SCTR: variants seen among roughly 807,000 people sequenced by gnomAD.
The protein encoded by SCTR is pancreatic secretin receptor.
SCTR carries 56 observed loss-of-function variants against 60.8 expected under a neutral mutation model. The observed-to-expected ratio is 0.92, with a 90% CI of 0.74 to 1.15. The LOEUF (loss-of-function observed/expected upper bound fraction) is 1.15, where lower values mean the gene tolerates loss of function less well. Ranked by LOEUF, SCTR falls within the 50% of genes most tolerant of loss-of-function variation. The pLI, the probability that SCTR is intolerant of heterozygous loss-of-function variation, is 0.00. For missense variants in SCTR, 562 were observed against 550.4 expected (o/e 1.02, Z -0.21); for synonymous variants, 202 against 217.0 (o/e 0.93, Z 0.61).
intron 2 of SCTR, 52 bp downstream of exon 2, chr2:119,494,376 C>T: frequency 1.3e-6 from 2 of 1,592,676 alleles, no homozygotes; most frequent in Non-Finnish European, 8.6e-7. Flanking sequence ...CCCAGCAGGA[C>T]CGGACATGCT....
intron 1 of SCTR, among the ~76,000 whole-genome samples, chr2:119,520,112 A>G (rs1477623042): frequency 1.3e-5 from 2 of 152,184 alleles, no homozygotes; most frequent in African/African-American, 2.4e-5. Context: ...AAAAATCTCA[A>G]AAGAAATCCA....
chr2:119,460,396 A>ACG (rs1683554284), intron 7 of SCTR, among the ~76,000 whole-genome samples: 1 of 151,320 alleles, frequency 6.6e-6, no homozygotes, highest in African/African-American at 2.4e-5. Context: ...GGATAGAGGA[A>ACG]TGGATGGATG....
chr2:119,505,614 C>A, intron 1 of SCTR, among the ~76,000 whole-genome samples: 1 of 148,176 alleles, frequency 6.7e-6, no homozygotes. Flanking sequence ...GGACAAAAAA[C>A]CAAACACCGC....
chr2:119,496,445 GA>G (rs1392275067), intron 1 of SCTR, among the ~76,000 whole-genome samples: 4 of 151,798 alleles, frequency 2.6e-5, no homozygotes, highest in Non-Finnish European at 5.9e-5. Context: ...ATATAATATA[GA>G]AAAAAAAGAC....
chr2:119,508,540 C>T (rs751073572), intron 1 of SCTR, among the ~76,000 whole-genome samples: 12 of 151,826 alleles, frequency 7.9e-5, no homozygotes, highest in Non-Finnish European at 1.6e-4. Context: ...GCGCATACCA[C>T]CACACTCAGC....
chr2:119,516,795 A>G (rs894885077), intron 1 of SCTR, among the ~76,000 whole-genome samples: 1 of 152,106 alleles, frequency 6.6e-6, no homozygotes, highest in Non-Finnish European at 1.5e-5. Flanking sequence ...CCGCGTCCCC[A>G]CTAAAAATAC....
chr2:119,515,094 C>T (rs1679071130), intron 1 of SCTR, among the ~76,000 whole-genome samples: 1 of 152,196 alleles, frequency 6.6e-6, no homozygotes, highest in Admixed American at 6.5e-5. Flanking sequence ...ATTTATTGGG[C>T]ACCTACTATA....
intron 1 of SCTR, among the ~76,000 whole-genome samples, chr2:119,517,723 A>G (rs1679159655): frequency 6.6e-6 from 1 of 152,140 alleles, no homozygotes; most frequent in African/African-American, 2.4e-5. Flanking sequence ...GCGGAGAGGA[A>G]GAGGGTGAAG....
intron 4 of SCTR, among the ~76,000 whole-genome samples, chr2:119,469,233 G>A (rs2579650): frequency 0.4 from 60,401 of 152,034 alleles, 13,597 homozygotes; most frequent in Non-Finnish European, 0.53. Flanking sequence ...CAGATGAGCC[G>A]CATTGCAGAG....
chr2:119,499,354 A>G (rs1678455105), intron 1 of SCTR, among the ~76,000 whole-genome samples: 1 of 152,072 alleles, frequency 6.6e-6, no homozygotes, highest in Non-Finnish European at 1.5e-5. Context: ...GGAAAACACC[A>G]TTAACAAAGA....
rs1368048837 is a variant in SCTR, at chr2:119,524,192, A to C, written c.35T>G (p.Leu12Arg). 6.6e-6 allele frequency: 10 copies of C among 1,523,808 alleles called. No individual in the cohort carries two copies. In the South Asian group the frequency reaches 9.7e-5, roughly 15 times the overall value. 94.4% of individuals were successfully genotyped at this position (1,523,808 alleles called of 1,614,324 possible). Residue 12 changes from leucine (L) to arginine (R), a missense_variant, in exon 1 of 13, where the codon CTA becomes CGA. By Grantham distance (102) the Leu-to-Arg change is moderately radical (BLOSUM62 -2). Transcript: ENST00000019103. ...RPHLSPPLQQ[L>R]LLPVLLACAA... Reference sequence around the variant, plus strand: ...GCAGGCGAGCAGCACCGGCAGTAGTAGCTGCTGCAGCGGCGGCGACAGGTG... The same window carrying C: ...GCAGGCGAGCAGCACCGGCAGTAGTCGCTGCTGCAGCGGCGGCGACAGGTG...
At chr2:119,454,257 A>G (rs942608465) in intron 7 of SCTR, among the ~76,000 whole-genome samples, 3 of 152,188 alleles carry the variant, frequency 2.0e-5, no homozygotes. Context: ...GGGCTGGGGC[A>G]GGAGGATGGT....
At chr2:119,461,764 A>AAC in intron 7 of SCTR, 83 bp downstream of exon 7, 1 of 1,102,090 alleles carries the variant, frequency 9.1e-7, no homozygotes. Flanking sequence ...GTGGAGCTGG[A>AAC]ACTAAAAGCC....
At chr2:119,499,515 G>A (rs1460848180) in intron 1 of SCTR, among the ~76,000 whole-genome samples, 2 of 152,008 alleles carry the variant, frequency 1.3e-5, no homozygotes, top group South Asian at 2.1e-4. Flanking sequence ...CATATACAAT[G>A]TGTTCTCTGA....
At chr2:119,494,382 A>T (rs374589021) in intron 2 of SCTR, 46 bp downstream of exon 2, 2 of 1,600,408 alleles carry the variant, frequency 1.2e-6, no homozygotes, top group African/African-American at 2.7e-5. Context: ...AGGACCGGAC[A>T]TGCTCCACCC....
chr2:119,459,880 T>C (rs2579643), intron 7 of SCTR, among the ~76,000 whole-genome samples: 143,787 of 152,230 alleles, frequency 0.94, 68,023 homozygotes, highest in East Asian at 1. Context: ...CAGCTGAATC[T>C]TGGCGTATCT....
intron 1 of SCTR, among the ~76,000 whole-genome samples, chr2:119,522,346 A>G (rs1157125847): frequency 6.6e-6 from 1 of 152,134 alleles, no homozygotes; most frequent in African/African-American, 2.4e-5. Flanking sequence ...GGGGTATAAA[A>G]GACAGAGCCC....
chr2:119,477,452 T>C (rs1677380239), intron 3 of SCTR, among the ~76,000 whole-genome samples: 1 of 152,036 alleles, frequency 6.6e-6, no homozygotes, highest in Admixed American at 6.5e-5. Context: ...TTTGTTTGTT[T>C]GTTTGTTTGT....
At chr2:119,450,072 G>T (rs1235862262) in intron 9 of SCTR, among the ~76,000 whole-genome samples, 18 of 135,350 alleles carry the variant, frequency 1.3e-4, no homozygotes, top group African/African-American at 5.7e-4. Context: ...AAGAAAGAAA[G>T]AAAGAAAAAT....
Sources: allele counts gnomAD v4.1 joint callset (sites outside exome capture counted in the v4.1 genomes callset), GRCh38; gene constraint gnomAD v4.1.1; transcripts MANE v1.5; gene names NCBI Gene and HGNC (gene_info 2026-07-23, HGNC 2026-07-21).